GPD2: variants seen among roughly 807,000 people sequenced by gnomAD.
The protein encoded by GPD2 is glycerol-3-phosphate dehydrogenase 2, also known as glycerol-3-phosphate dehydrogenase, mitochondrial.
Under a neutral mutation model 82.4 loss-of-function variants are expected in GPD2, and 54 were observed. The ratio of observed to expected loss-of-function variants is 0.66; its 90% confidence interval spans 0.53 to 0.82. GPD2 has a LOEUF of 0.82. Ranked by LOEUF, GPD2 falls within the 40% of genes least tolerant of loss-of-function variation. The pLI is 0.00. For missense variants in GPD2, 748 were observed against 896.2 expected (o/e 0.83, Z 2.11); for synonymous variants, 288 against 306.1 (o/e 0.94, Z 0.62).
At chr2:156,449,856 C>CAAAAATAAAAAAAAAAAAAAA (rs1682491403) in intron 1 of GPD2, among the ~76,000 whole-genome samples, 1 of 83,982 alleles carries the variant, frequency 1.2e-5, no homozygotes. Flanking sequence ...ACTAAATATA[C>CAAAAATAAAAAAAAAAAAAAA]AAAAAAAAAA....
Position 156,571,207 on chromosome 2 carries a change from T to C in GPD2, c.1682T>C (p.Leu561Pro), listed in dbSNP as rs754268885. Residue 561 changes from leucine (L) to proline (P), a missense_variant, in exon 13 of 17, where the codon CTA becomes CCA. Physicochemically the swap from Leu to Pro is moderately conservative, Grantham distance 98. This residue lies in a region of GPD2 where 692 missense variants were observed against 809.7 expected (regional missense o/e 0.85). Transcript: ENST00000438166. The stretch of plus-strand genomic sequence containing the variant: ...TCACGTCGTACTCGCCTGGCCTTTC[T>C]AAATGTCCAGGCAGCAGAGGAAGCC... ...MISRRTRLAF[L>P]NVQAAEEALP... 3 of 1,609,622 alleles carry C rather than the reference T, an allele frequency of 1.9e-6. No homozygotes were observed. The highest frequency in any genetic ancestry group is 2.6e-6 in the Non-Finnish European group (3 of 1,175,940).
chr2:156,535,885 G>A (rs1686058549), intron 6 of GPD2, among the ~76,000 whole-genome samples: 1 of 152,146 alleles, frequency 6.6e-6, no homozygotes, highest in Admixed American at 6.5e-5. Context: ...TACTTATCCA[G>A]GTGGAAGAGA....
At chr2:156,546,971 G>T (rs997922917) in intron 6 of GPD2, among the ~76,000 whole-genome samples, 1 of 152,238 alleles carries the variant, frequency 6.6e-6, no homozygotes, top group East Asian at 1.9e-4. Context: ...AATTGGAAAC[G>T]TATTCTGTAC....
At chr2:156,402,132 C>T in the GPD2 span, among the ~76,000 whole-genome samples, 4 of 152,228 alleles carry the variant, frequency 2.6e-5, no homozygotes, top group African/African-American at 4.8e-5. Context: ...AAGATTGGAA[C>T]ACACAATATT....
intron 1 of GPD2, among the ~76,000 whole-genome samples, chr2:156,462,412 A>G (rs1050834321): frequency 1.3e-5 from 2 of 151,320 alleles, no homozygotes; most frequent in East Asian, 3.9e-4. Flanking sequence ...CAGCCTCCCA[A>G]GTAGCTGGGA....
chr2:156,538,831 A>AT (rs1686187590), intron 6 of GPD2, among the ~76,000 whole-genome samples: 1 of 151,524 alleles, frequency 6.6e-6, no homozygotes, highest in East Asian at 1.9e-4. Context: ...AAAAAAAAAA[A>AT]AAAAAAAGAT....
intron 6 of GPD2, among the ~76,000 whole-genome samples, chr2:156,544,884 C>A (rs1324058352): frequency 6.6e-6 from 1 of 152,204 alleles, no homozygotes; most frequent in Non-Finnish European, 1.5e-5. Flanking sequence ...AAGATACATT[C>A]TCCCTAAACT....
intron 3 of GPD2, among the ~76,000 whole-genome samples, chr2:156,506,677 C>T (rs1325010035): frequency 6.6e-6 from 1 of 151,984 alleles, no homozygotes; most frequent in Admixed American, 6.6e-5. Context: ...CTTCTGAGGC[C>T]GGATTCTTCA....
intron 3 of GPD2, among the ~76,000 whole-genome samples, chr2:156,496,875 A>G (rs924648489): frequency 7.2e-5 from 11 of 152,080 alleles, no homozygotes; most frequent in Non-Finnish European, 1.5e-4. Flanking sequence ...CTCTTCAGTG[A>G]AATATGGACT....
chr2:156,468,155 A>G (rs1683209808), intron 1 of GPD2, among the ~76,000 whole-genome samples: 1 of 152,172 alleles, frequency 6.6e-6, no homozygotes, highest in Non-Finnish European at 1.5e-5. Flanking sequence ...TTTGCTTGCT[A>G]AAACACATCT....
intron 1 of GPD2, chr2:156,473,713 T>C (rs1349964242): frequency 2.0e-5 from 3 of 152,264 alleles, no homozygotes; most frequent in Non-Finnish European, 4.4e-5. Flanking sequence ...TGAGATAGCA[T>C]GCTATCTCTT....
intron 6 of GPD2, among the ~76,000 whole-genome samples, chr2:156,540,364 G>A (rs1465863952): frequency 6.6e-6 from 1 of 152,198 alleles, no homozygotes; most frequent in Non-Finnish European, 1.5e-5. Flanking sequence ...GACTGGCAAA[G>A]CCAGGTTAAA....
intron 3 of GPD2, among the ~76,000 whole-genome samples, chr2:156,503,702 G>C (rs116576900): frequency 0.018 from 2,755 of 152,214 alleles, 92 homozygotes; most frequent in African/African-American, 0.062. Context: ...TTTAAAGCGA[G>C]ATGGTATCAG....
At chr2:156,461,102 T>C (rs532918405) in intron 1 of GPD2, among the ~76,000 whole-genome samples, 5 of 151,956 alleles carry the variant, frequency 3.3e-5, no homozygotes, top group Non-Finnish European at 2.9e-5. Flanking sequence ...CCTGTGCCTA[T>C]AGGAGTAGTT....
intron 1 of GPD2, among the ~76,000 whole-genome samples, chr2:156,439,540 CAAAA>C (rs869250333): frequency 1.3e-4 from 9 of 71,282 alleles, no homozygotes; most frequent in Non-Finnish European, 2.1e-4. Context: ...AAAAAAAAAA[CAAAA>C]AAAAAAAAAC....
rs1426457903 is a variant in GPD2 at position 156,496,047 on chromosome 2, A to C, written c.106A>C (p.Asn36His). The part of the protein sequence containing the change: ...QFAHYRRKQM[N>H]LAYVKAADCI... ...AAGTGATCTGCTTTTACATCAGATG[A>C]ACCTGGCCTATGTTAAAGCAGCAGA... Residue 36 changes from asparagine (N) to histidine (H), a missense_variant, in exon 3 of 17, where the codon AAC (asparagine) becomes CAC (histidine). By Grantham distance (68) the Asn-to-His change is moderately conservative. Coordinates refer to ENST00000438166, the MANE Select transcript of GPD2 (RefSeq NM_000408.5). The C allele has an allele frequency of 6.2e-7, 1 of 1,611,042 alleles. No individual in the cohort carries two copies.
chr2:156,510,263 G>A (rs1049416749), intron 3 of GPD2, among the ~76,000 whole-genome samples: 1 of 149,946 alleles, frequency 6.7e-6, no homozygotes, highest in Non-Finnish European at 1.5e-5. Flanking sequence ...TCCTTTCTTT[G>A]CTATCTCTCC....
chr2:156,582,033 T>C (rs1429777295), intron 16 of GPD2, among the ~76,000 whole-genome samples: 1 of 152,040 alleles, frequency 6.6e-6, no homozygotes, highest in Non-Finnish European at 1.5e-5. Flanking sequence ...AATAGCTAAA[T>C]CTTTTCTTTT....
At chr2:156,538,837 A>AG (rs1382019621) in intron 6 of GPD2, among the ~76,000 whole-genome samples, 1 of 151,430 alleles carries the variant, frequency 6.6e-6, no homozygotes, top group Non-Finnish European at 1.5e-5. Context: ...AAAAAAAAAA[A>AG]AGATCAGGAT....
Sources: gnomAD v4.1 joint callset for allele counts (sites outside exome capture counted in the v4.1 genomes callset) on GRCh38, gnomAD v4.1.1 for gene constraint, gnomAD v4.1.1 regional missense constraint, MANE v1.5 for transcripts, NCBI Gene and HGNC (gene_info 2026-07-23, HGNC 2026-07-21) for gene names.